Variants in CDKL5 observed in about 807,000 individuals in gnomAD.
CDKL5 encodes cyclin-dependent kinase-like 5.
In CDKL5, 8 loss-of-function variants were observed where a neutral mutation model predicts 61.7. The ratio of observed to expected loss-of-function variants is 0.13; its 90% confidence interval spans 0.08 to 0.23. The LOEUF (loss-of-function observed/expected upper bound fraction) is 0.23, where lower values mean the gene tolerates loss of function less well. CDKL5 is among the 10% of genes least tolerant of loss of function. The pLI is 1.00. For missense variants in CDKL5, 440 were observed against 734.5 expected (o/e 0.60, Z 4.63); for synonymous variants, 275 against 272.3 (o/e 1.01, Z -0.10).
intron 15 of CDKL5, among the ~76,000 whole-genome samples, chrX:18,619,632 T>C (rs1926827332): frequency 8.9e-6 from 1 of 111,893 alleles, no homozygotes; most frequent in Non-Finnish European, 1.9e-5. Context: ...CAGTTACAGG[T>C]CATATAATGC....
intron 6 of CDKL5, 121 bp downstream of exon 6, chrX:18,580,089 A>G (rs928857683): frequency 9.6e-6 from 6 of 622,530 alleles, no homozygotes; most frequent in Non-Finnish European, 1.5e-5. Flanking sequence ...TAAATTAAAT[A>G]TATTTTGAAA....
chrX:18,588,918 A>AC (rs1302744803), intron 9 of CDKL5: 10 of 109,181 alleles, frequency 9.2e-5, no homozygotes, highest in African/African-American at 3.3e-4. Flanking sequence ...TGTCTCAAAA[A>AC]AAAAAACAAA....
At chrX:18,469,731 T>C (rs1305122275) in intron 1 of CDKL5, among the ~76,000 whole-genome samples, 2 of 111,868 alleles carry the variant, frequency 1.8e-5, no homozygotes, top group African/African-American at 6.5e-5. Context: ...TATTCATTCC[T>C]TTTGGGGGAA....
intron 1 of CDKL5, among the ~76,000 whole-genome samples, chrX:18,503,846 A>G (rs749205846): frequency 6.3e-5 from 7 of 111,159 alleles, no homozygotes; most frequent in African/African-American, 2.3e-4. Context: ...GGCTCAAGCA[A>G]TCCTCCCTCC....
At chrX:18,456,616 A>T (rs991589404) in intron 1 of CDKL5, among the ~76,000 whole-genome samples, 1 of 111,592 alleles carries the variant, frequency 9.0e-6, no homozygotes, top group Non-Finnish European at 1.9e-5. Context: ...GCCTGAAGGA[A>T]TTTGAGAGGA....
intron 10 of CDKL5, among the ~76,000 whole-genome samples, chrX:18,596,671 C>G (rs1403646859): frequency 2.7e-5 from 3 of 111,762 alleles, no homozygotes; most frequent in African/African-American, 9.8e-5. Context: ...ATTGGGACCT[C>G]AATAATTTGG....
At chrX:18,440,041 C>T (rs1411342947) in intron 1 of CDKL5, among the ~76,000 whole-genome samples, 2 of 110,581 alleles carry the variant, frequency 1.8e-5, no homozygotes, top group Non-Finnish European at 3.8e-5. Flanking sequence ...ACTGACTGAT[C>T]AGGATGGTGG....
intron 1 of CDKL5, among the ~76,000 whole-genome samples, chrX:18,456,071 G>A (rs1397069798): frequency 7.6e-5 from 8 of 105,037 alleles, no homozygotes; most frequent in African/African-American, 2.8e-4. Context: ...TTTTTGAGAC[G>A]GAGTTTTGCT....
At chrX:18,496,029 G>C (rs1418037228) in intron 1 of CDKL5, among the ~76,000 whole-genome samples, 1 of 112,317 alleles carries the variant, frequency 8.9e-6, no homozygotes, top group Non-Finnish European at 1.9e-5. Context: ...CATCTGACAA[G>C]TATGACAAAA....
At chrX:18,460,778 G>T (rs760341961) in intron 1 of CDKL5, among the ~76,000 whole-genome samples, 2 of 112,005 alleles carry the variant, frequency 1.8e-5, no homozygotes, top group Non-Finnish European at 3.8e-5. Context: ...TGGGATTATA[G>T]GTGTGAGCCA....
intron 1 of CDKL5, among the ~76,000 whole-genome samples, chrX:18,482,282 G>A (rs761947360): frequency 2.1e-4 from 23 of 111,710 alleles, no homozygotes; most frequent in African/African-American, 7.5e-4. Context: ...TTGGAATAAA[G>A]TATTACTTAT....
chrX:18,478,653 A>G (rs368862123), intron 1 of CDKL5, among the ~76,000 whole-genome samples: 1 of 105,362 alleles, frequency 9.5e-6, no homozygotes, highest in East Asian at 2.9e-4. Context: ...TTCTTATGTG[A>G]TAAGTTGTTT....
chrX:18,619,406 A>G (rs1406960543), intron 15 of CDKL5, among the ~76,000 whole-genome samples: 1 of 111,753 alleles, frequency 8.9e-6, no homozygotes, highest in Non-Finnish European at 1.9e-5. Flanking sequence ...ATGTTTTTAT[A>G]GCTGTATTGA....
chrX:18,513,740 T>A (rs1196048340), intron 3 of CDKL5, among the ~76,000 whole-genome samples: 2 of 111,880 alleles, frequency 1.8e-5, no homozygotes. Context: ...AGATAGTATA[T>A]CCTTTTCTCA....
chrX:18,643,705 G>A (rs1927665634), downstream of CDKL5, among the ~76,000 whole-genome samples: 1 of 111,756 alleles, frequency 8.9e-6, no homozygotes, highest in African/African-American at 3.3e-5. Context: ...AATCTCAGCT[G>A]TACATGTCTA....
At chrX:18,550,451 A>G (rs2090537944) in intron 3 of CDKL5, among the ~76,000 whole-genome samples, 1 of 112,191 alleles carries the variant, frequency 8.9e-6, no homozygotes, top group African/African-American at 3.2e-5. Flanking sequence ...CATATAATGC[A>G]AGTTAAAGTC....
intron 1 of CDKL5, among the ~76,000 whole-genome samples, chrX:18,430,857 A>AT (rs773670614): frequency 7.2e-5 from 7 of 97,867 alleles, no homozygotes; most frequent in East Asian, 6.5e-4. Flanking sequence ...TACATTTTTA[A>AT]TTTTTTTTTT....
chrX:18,473,776 G>A (rs1344012399), intron 1 of CDKL5, among the ~76,000 whole-genome samples: 3 of 105,678 alleles, frequency 2.8e-5, no homozygotes, highest in Non-Finnish European at 3.9e-5. Context: ...CAGTGGCGCC[G>A]ATTTCGGCTC....
In CDKL5 at chrX:18,645,983, C is replaced by G. The variant is rs1007041619; in HGVS notation, c.2714-24C>G. 4.1e-6 allele frequency: 5 copies of G among 1,211,070 alleles called. No individual in the cohort carries two copies. In the South Asian group the frequency reaches 7.0e-5, roughly 17 times the overall value. ...GGCAAGTCATGCGCACTCTGCTGCT[C>G]TTTTGTTTCTCCCCACTAACTAGAC... is the stretch of plus-strand genomic sequence containing the variant. On this transcript the variant is annotated intron_variant, in intron 19 of 21. Transcript: ENST00000379989.
Sources: gnomAD v4.1 joint callset for allele counts (sites outside exome capture counted in the v4.1 genomes callset) on GRCh38, gnomAD v4.1.1 for gene constraint, MANE v1.5 for transcripts, NCBI Gene and HGNC (gene_info 2026-07-23, HGNC 2026-07-21) for gene names.